Variants in PTPRN2 observed in about 807,000 individuals in gnomAD.
PTPRN2 encodes receptor-type tyrosine-protein phosphatase N2.
Under a neutral mutation model 118.8 loss-of-function variants are expected in PTPRN2, and 74 were observed. That is an observed-to-expected ratio of 0.62 (90% CI 0.52 to 0.76). The LOEUF (loss-of-function observed/expected upper bound fraction) is 0.76. Among genes scored for constraint, PTPRN2 ranks in the 30% least tolerant of loss-of-function variants. PTPRN2 has a pLI of 0.00. For missense variants in PTPRN2, 1,481 were observed against 1,394.4 expected, an observed-to-expected ratio of 1.06 and a Z score of -0.99; for synonymous variants, 641 against 608.0, an observed-to-expected ratio of 1.05 and a Z score of -0.80.
chr7:158,498,943 A>G (rs1219407028), intron 1 of PTPRN2, among the ~76,000 whole-genome samples: 1 of 152,208 alleles, frequency 6.6e-6, no homozygotes, highest in East Asian at 1.9e-4. Context: ...CACACAGCCT[A>G]CCCTGCTGTA....
intron 1 of PTPRN2, among the ~76,000 whole-genome samples, chr7:158,558,305 A>G (rs991872322): frequency 2.6e-5 from 4 of 152,222 alleles, no homozygotes; most frequent in Non-Finnish European, 5.9e-5. Context: ...TAATTCTTAC[A>G]TAACAGGTAA....
Position 158,418,641 on chromosome 7 carries a change from C to CG in PTPRN2, c.163+71093_163+71094insC, listed in dbSNP as rs1814989657. On this transcript the variant is annotated intron_variant, in intron 2 of 22. Transcript: ENST00000389418. ...TGTGTTAAGTCACGGTGTACTACATCAAGATGCTGTAGCTCTCAGTGTCCC... is the reference window on the plus strand; with the variant it reads ...TGTGTTAAGTCACGGTGTACTACATCGAAGATGCTGTAGCTCTCAGTGTCCC... Among the ~76,000 whole-genome samples the CG allele has an allele frequency of 2.7e-5, 4 of 146,734 alleles. 2 individuals carry two copies. Among genetic ancestry groups the CG allele is most frequent in the Non-Finnish European group, 3.0e-5 (2 of 66,182 alleles).
intron 5 of PTPRN2, among the ~76,000 whole-genome samples, chr7:158,179,201 G>A (rs1466957542): frequency 6.6e-6 from 1 of 152,146 alleles, no homozygotes; most frequent in African/African-American, 2.4e-5. Flanking sequence ...AGTCATTCTT[G>A]CAGGAGTATG....
In PTPRN2 at chr7:157,611,747, G is replaced by A. The variant is rs966137928; in HGVS notation, c.2345-7672C>T. On this transcript the variant is annotated intron_variant, in intron 15 of 22. Coordinates refer to ENST00000389418, the MANE Select transcript of PTPRN2 (RefSeq NM_002847.5). The surrounding 1 kb of genome is among the most constrained non-coding windows in gnomAD (Gnocchi z 5.9). ...CATGCTGGGGACACGCGGAGGGAGC[G>A]CGCCCGTGTGAAGACGAAGACAGCC... 3.3e-5 allele frequency among the ~76,000 whole-genome samples: 5 copies of A among 150,576 alleles called. No homozygotes were observed. Among genetic ancestry groups the A allele is most frequent in the South Asian group, 2.1e-4 (1 of 4,670 alleles).
At chr7:158,002,495 T>A (rs187106519) in intron 11 of PTPRN2, among the ~76,000 whole-genome samples, 183 of 152,230 alleles carry the variant, frequency 1.2e-3, no homozygotes, top group African/African-American at 4.4e-3. Context: ...GTGAGCCGGA[T>A]GGCAACCTGG....
intron 13 of PTPRN2, among the ~76,000 whole-genome samples, chr7:157,673,683 G>A (rs1312991288): frequency 1.3e-5 from 2 of 149,126 alleles, no homozygotes; most frequent in African/African-American, 4.9e-5. Flanking sequence ...CTGAGCTCAG[G>A]CCCTTCCATG....
chr7:158,150,635 C>G (rs984444935), intron 6 of PTPRN2, among the ~76,000 whole-genome samples: 2 of 151,554 alleles, frequency 1.3e-5, no homozygotes, highest in African/African-American at 4.9e-5. Flanking sequence ...ATCTCCTGCC[C>G]CTCTAATTCC....
chr7:158,265,790 T>A (rs986014451), intron 3 of PTPRN2, among the ~76,000 whole-genome samples: 2 of 152,170 alleles, frequency 1.3e-5, no homozygotes, highest in African/African-American at 4.8e-5. Flanking sequence ...TCAAAGGCGG[T>A]GGCCAGAGGC....
chr7:158,551,301 A>T (rs1303931290), intron 1 of PTPRN2, among the ~76,000 whole-genome samples: 2 of 152,176 alleles, frequency 1.3e-5, no homozygotes, highest in South Asian at 4.1e-4. Flanking sequence ...CACTCTCGTG[A>T]CCTCACCCAA....
chr7:158,437,004 T>G (rs147502887), intron 2 of PTPRN2, among the ~76,000 whole-genome samples: 2 of 152,264 alleles, frequency 1.3e-5, no homozygotes, highest in African/African-American at 4.8e-5. Context: ...TTTCTTCAGG[T>G]TTGAAAAAAA....
intron 2 of PTPRN2, among the ~76,000 whole-genome samples, chr7:158,479,894 G>T (rs975663327): frequency 1.3e-5 from 2 of 152,256 alleles, no homozygotes; most frequent in Admixed American, 1.3e-4. Flanking sequence ...TGGGAGCGGG[G>T]GCTCCTGCTC....
At chr7:157,855,508 C>T (rs975044110) in intron 12 of PTPRN2, among the ~76,000 whole-genome samples, 27 of 152,302 alleles carry the variant, frequency 1.8e-4, no homozygotes, top group African/African-American at 5.8e-4. Flanking sequence ...CCTCCTACAG[C>T]GACCCTGGAC....
intron 3 of PTPRN2, among the ~76,000 whole-genome samples, chr7:158,279,326 T>C (rs1799255442): frequency 6.6e-6 from 1 of 152,220 alleles, no homozygotes; most frequent in Admixed American, 6.5e-5. Context: ...CACAGAGCAC[T>C]GATGGGTGCA....
intron 3 of PTPRN2, among the ~76,000 whole-genome samples, chr7:158,214,834 G>A (rs1329964285): frequency 6.6e-6 from 1 of 152,062 alleles, no homozygotes; most frequent in Non-Finnish European, 1.5e-5. Context: ...CCATCTCCCT[G>A]TCAGTTACAA....
Position 157,609,945 on chromosome 7 carries a change from C to T in PTPRN2, c.2345-5870G>A, listed in dbSNP as rs907567224. Reference sequence around the variant, plus strand: ...GCCCAGCTAAGCATGCTAGAGGACGCGGCGGTATAGTCATTAATCATGATC... The same window carrying T: ...GCCCAGCTAAGCATGCTAGAGGACGTGGCGGTATAGTCATTAATCATGATC... On this transcript the variant is annotated intron_variant, in intron 15 of 22. Transcript: ENST00000389418. This position sits in a 1 kb window ranked among gnomAD's most constrained non-coding sequence, Gnocchi z 4.9. Among the ~76,000 whole-genome samples, 5 of 152,318 alleles carry T rather than the reference C, an allele frequency of 3.3e-5. No homozygotes were observed. In the South Asian group the frequency reaches 6.2e-4, roughly 19 times the overall value.
intron 4 of PTPRN2, among the ~76,000 whole-genome samples, chr7:158,203,307 A>G (rs1308468949): frequency 6.6e-6 from 1 of 151,874 alleles, no homozygotes; most frequent in East Asian, 1.9e-4. Flanking sequence ...AAGGAAGGAG[A>G]AAATTCCAAT....
intron 22 of PTPRN2, among the ~76,000 whole-genome samples, chr7:157,545,085 G>C (rs1798225252): frequency 6.6e-6 from 1 of 150,564 alleles, no homozygotes; most frequent in Non-Finnish European, 1.5e-5. Flanking sequence ...GTGTGTGTGG[G>C]TGTGCACCCC....
intron 11 of PTPRN2, chr7:158,030,863 G>A (rs576546690): frequency 5.2e-5 from 8 of 152,386 alleles, no homozygotes; most frequent in South Asian, 4.1e-4. Context: ...GGCACTGCAC[G>A]CGCCATCTCA....
chr7:157,659,885 C>T (rs1324255473), intron 13 of PTPRN2, among the ~76,000 whole-genome samples: 1 of 152,066 alleles, frequency 6.6e-6, no homozygotes, highest in Non-Finnish European at 1.5e-5. Context: ...GCTGGGATTA[C>T]AGGCGCCTGC....
Sources: gnomAD v4.1 joint callset for allele counts (sites outside exome capture counted in the v4.1 genomes callset) on GRCh38, gnomAD v4.1.1 for gene constraint, Gnocchi (gnomAD v3.1) non-coding constraint, MANE v1.5 for transcripts, NCBI Gene and HGNC (gene_info 2026-07-23, HGNC 2026-07-21) for gene names.